The following DIP2B variants were observed in gnomAD, a reference collection of about 807,000 sequenced individuals.
DIP2B encodes DIP2 acetate--CoA ligase B (putative).
A neutral mutation model predicts 198.0 loss-of-function variants in DIP2B; 76 were observed. The observed-to-expected ratio is 0.38, with a 90% CI of 0.32 to 0.46. The LOEUF is 0.46. DIP2B is among the 20% of genes least tolerant of loss of function. The probability of loss-of-function intolerance (pLI) is 0.99; values close to 1 mark genes in which losing one functional copy is unlikely to be tolerated. For missense variants in DIP2B, 1,559 were observed against 1,978.4 expected, an observed-to-expected ratio of 0.79 and a Z score of 4.02; for synonymous variants, 701 against 739.1, an observed-to-expected ratio of 0.95 and a Z score of 0.84.
At chr12:50,700,431 C>A (rs1939398149) in intron 19 of DIP2B, among the ~76,000 whole-genome samples, 1 of 152,148 alleles carries the variant, frequency 6.6e-6, no homozygotes, top group African/African-American at 2.4e-5. Context: ...TTTTTCAGTT[C>A]TTTGAGCTTC....
At chr12:50,561,752 C>T (rs1054957055) in intron 1 of DIP2B, among the ~76,000 whole-genome samples, 1 of 152,106 alleles carries the variant, frequency 6.6e-6, no homozygotes, top group Non-Finnish European at 1.5e-5. Flanking sequence ...GGATTACAGG[C>T]GTGTGCAACC....
chr12:50,714,006 G>T (rs910375498), intron 22 of DIP2B, among the ~76,000 whole-genome samples: 8 of 152,238 alleles, frequency 5.3e-5, no homozygotes, highest in Admixed American at 3.9e-4. Context: ...GGAGGTTGAG[G>T]CAGGAGGATC....
At chr12:50,505,911 G>A (rs1957964758) in intron 1 of DIP2B, among the ~76,000 whole-genome samples, 1 of 151,802 alleles carries the variant, frequency 6.6e-6, no homozygotes, top group Non-Finnish European at 1.5e-5. Context: ...TCCGCATCTG[G>A]TCACCTTTTG....
intron 1 of DIP2B, among the ~76,000 whole-genome samples, chr12:50,510,285 T>C (rs1329113315): frequency 6.6e-6 from 1 of 152,244 alleles, no homozygotes; most frequent in African/African-American, 2.4e-5. Context: ...TGATTCACCT[T>C]ATTGAAAAGA....
At chr12:50,533,938 AC>A (rs1167692423) in intron 1 of DIP2B, among the ~76,000 whole-genome samples, 2 of 152,072 alleles carry the variant, frequency 1.3e-5, no homozygotes, top group Non-Finnish European at 2.9e-5. Flanking sequence ...GATGGGAGAA[AC>A]TTTTTTCCCC....
rs571235285 is a variant in DIP2B at position 50,660,197 on chromosome 12, T to C, written c.305T>C (p.Ile102Thr). The change falls in exon 4 of 38, where the codon ATC becomes ACC. Residue 102 changes from isoleucine (I) to threonine (T), a missense_variant. Transcript: ENST00000301180. ...ATGCAAATGTTTGCTTTTTCAGATA[T>C]CCACACAGAAGCAGTTCAGGCTGCA... Reference protein sequence around the residue: ...GARDERYRSDIHTEAVQAALA... With the variant: ...GARDERYRSDTHTEAVQAALA... 5 of 1,604,872 alleles carry C rather than the reference T, an allele frequency of 3.1e-6. No individual in the cohort carries two copies. Among genetic ancestry groups the C allele is most frequent in the East Asian group, 2.2e-5 (1 of 44,618 alleles).
intron 1 of DIP2B, among the ~76,000 whole-genome samples, chr12:50,525,322 C>T (rs1256585090): frequency 1.4e-5 from 2 of 145,400 alleles, no homozygotes; most frequent in African/African-American, 2.6e-5. Context: ...CGGGCCACTG[C>T]ACTCCAGCCT....
chr12:50,525,824 T>A (rs899155611), intron 1 of DIP2B, among the ~76,000 whole-genome samples: 1 of 152,176 alleles, frequency 6.6e-6, no homozygotes, highest in African/African-American at 2.4e-5. Flanking sequence ...CCTCTATGTC[T>A]TGTTCCTTGC....
intron 19 of DIP2B, among the ~76,000 whole-genome samples, chr12:50,700,237 A>G (rs1249066945): frequency 6.6e-6 from 1 of 152,218 alleles, no homozygotes; most frequent in South Asian, 2.1e-4. Context: ...GCACTTCTGC[A>G]TGCGAAGCCA....
chr12:50,512,717 G>A (rs1482742753), intron 1 of DIP2B, among the ~76,000 whole-genome samples: 1 of 152,080 alleles, frequency 6.6e-6, no homozygotes, highest in Non-Finnish European at 1.5e-5. Flanking sequence ...ATTTAAAAAG[G>A]AATGACGGTG....
Position 50,505,016 on chromosome 12 carries a change from C to CGGCGGT in DIP2B, c.-120_-119insTGGCGG. 1 of 979,122 alleles carries CGGCGGT rather than the reference C, an allele frequency of 1.0e-6. No homozygotes were observed. The highest frequency in any genetic ancestry group is 1.5e-6 in the Non-Finnish European group (1 of 669,562). 60.7% of individuals were successfully genotyped at this position (979,122 alleles called of 1,614,324 possible). A position where few individuals can be genotyped will look rare whatever the true frequency, so the allele number is the denominator to read the frequency against. On this transcript the variant is annotated 5_prime_UTR_variant, in exon 1 of 38. Coordinates refer to ENST00000301180, the MANE Select transcript of DIP2B (RefSeq NM_173602.3). Reference sequence around the variant, plus strand: ...CCTTTGCTCATGGCGGCGGCGGCGGCGGCGGCGGTGCTGGTGGTGCTCGGC... The same window carrying CGGCGGT: ...CCTTTGCTCATGGCGGCGGCGGCGGCGGCGGTGGCGGCGGTGCTGGTGGTGCTCGGC...
intron 1 of DIP2B, among the ~76,000 whole-genome samples, chr12:50,511,289 C>CTCTTTTTTTT (rs1316212138): frequency 9.5e-5 from 2 of 20,944 alleles, no homozygotes; most frequent in Admixed American, 6.2e-4. Flanking sequence ...AGTGTGATTT[C>CTCTTTTTTTT]TATTTTTTTT....
intron 34 of DIP2B, among the ~76,000 whole-genome samples, chr12:50,735,531 G>A (rs761824942): frequency 4.0e-5 from 6 of 151,720 alleles, no homozygotes; most frequent in African/African-American, 1.5e-4. Context: ...GCAGTGGCGC[G>A]ATCTCGGCTC....
At chr12:50,694,935 C>G (rs185485515) in intron 14 of DIP2B, among the ~76,000 whole-genome samples, 1 of 151,964 alleles carries the variant, frequency 6.6e-6, no homozygotes, top group Non-Finnish European at 1.5e-5. Flanking sequence ...AAACAAGTTA[C>G]AGATATATGT....
chr12:50,608,404 A>AT (rs1959002585), intron 1 of DIP2B, among the ~76,000 whole-genome samples: 1 of 151,954 alleles, frequency 6.6e-6, no homozygotes, highest in African/African-American at 2.4e-5. Flanking sequence ...GTTGGATCAC[A>AT]TGAGGCCAGG....
At chr12:50,568,594 G>A (rs573484761) in intron 1 of DIP2B, among the ~76,000 whole-genome samples, 1 of 152,172 alleles carries the variant, frequency 6.6e-6, no homozygotes, top group East Asian at 1.9e-4. Context: ...AGGTGAAGGA[G>A]TAAAAAAGAA....
At chr12:50,537,826 A>G (rs1408031194) in intron 1 of DIP2B, among the ~76,000 whole-genome samples, 1 of 152,090 alleles carries the variant, frequency 6.6e-6, no homozygotes, top group Non-Finnish European at 1.5e-5. Flanking sequence ...TGTGGAGACA[A>G]ATAGTAATGT....
intron 3 of DIP2B, among the ~76,000 whole-genome samples, chr12:50,648,697 TCC>T (rs35509357): frequency 4.7e-5 from 6 of 127,618 alleles, no homozygotes; most frequent in African/African-American, 1.7e-4. Context: ...GGGTTGTTCT[TCC>T]CCCCCCCCTC....
intron 26 of DIP2B, 109 bp from the exon 27 acceptor site, chr12:50,723,093 C>A: frequency 7.2e-7 from 1 of 1,384,856 alleles, no homozygotes; most frequent in Non-Finnish European, 9.9e-7. Flanking sequence ...TTATGGTCTA[C>A]AGAACCTGTC....
Sources: allele counts gnomAD v4.1 joint callset (sites outside exome capture counted in the v4.1 genomes callset), GRCh38; gene constraint gnomAD v4.1.1; transcripts MANE v1.5; gene names NCBI Gene and HGNC (gene_info 2026-07-23, HGNC 2026-07-21).